CDYL: variants seen among roughly 807,000 people sequenced by gnomAD.
CDYL encodes the protein chromodomain Y like, also known as chromodomain Y-like protein.
Under a neutral mutation model 47.3 loss-of-function variants are expected in CDYL, and 8 were observed. The ratio of observed to expected loss-of-function variants is 0.17; its 90% confidence interval spans 0.10 to 0.31. The LOEUF (loss-of-function observed/expected upper bound fraction) is 0.31, where lower values mean the gene tolerates loss of function less well. Ranked by LOEUF, CDYL falls within the 10% of genes least tolerant of loss-of-function variation. CDYL has a pLI of 1.00. For missense variants in CDYL, 471 were observed against 701.4 expected (o/e 0.67, Z 3.71); for synonymous variants, 266 against 265.0 (o/e 1.00, Z -0.04).
chr6:4,731,782 C>T (rs758824440), intron 2 of CDYL, among the ~76,000 whole-genome samples: 2 of 151,694 alleles, frequency 1.3e-5, no homozygotes, highest in Non-Finnish European at 2.9e-5. Context: ...CATCGCACCA[C>T]TGCACTCCAG....
At chr6:4,706,231 T>G (rs1757043167) in exon 1 of CDYL, 1 of 151,972 alleles carries the variant, frequency 6.6e-6, no homozygotes, top group Non-Finnish European at 1.5e-5. Context: ...CTGAAGAGAC[T>G]CATCTCGGGG....
rs1220969716 is a variant in CDYL at position 4,788,480 on chromosome 6, C to CAAAAAAAAAAAAAAAAAAA, written c.24+11677_24+11695dup. Among the ~76,000 whole-genome samples the CAAAAAAAAAAAAAAAAAAA allele has an allele frequency of 5.2e-4, 32 of 61,062 alleles. 1 individual carries two copies. The highest frequency in any genetic ancestry group is 6.6e-4 in the Non-Finnish European group (24 of 36,226). The allele number at this position is 61,062 out of a possible 152,430, so 40.1% of individuals were successfully genotyped here. On this transcript the variant is annotated intron_variant, in intron 1 of 6. Coordinates refer to ENST00000397588, the MANE Select transcript of CDYL (RefSeq NM_004824.4). ...CCTGGGTGACAGAGTGAGACTCTGT[C>CAAAAAAAAAAAAAAAAAAA]AAAAAAAAAAAAAAAAAAAAAAGGC...
At chr6:4,920,895 C>T (rs1363832297) in intron 2 of CDYL, among the ~76,000 whole-genome samples, 11 of 152,140 alleles carry the variant, frequency 7.2e-5, no homozygotes, top group African/African-American at 2.2e-4. Flanking sequence ...GGATTAGAGG[C>T]GTCAGCCACT....
intron 5 of CDYL, among the ~76,000 whole-genome samples, chr6:4,947,137 T>G (rs1464917071): frequency 6.6e-6 from 1 of 152,220 alleles, no homozygotes; most frequent in African/African-American, 2.4e-5. Context: ...GCAGCCCGTT[T>G]CAGGGAAGAG....
At chr6:4,857,549 C>T (rs1761046243) in intron 1 of CDYL, among the ~76,000 whole-genome samples, 1 of 152,130 alleles carries the variant, frequency 6.6e-6, no homozygotes, top group African/African-American at 2.4e-5. Context: ...GCTTTGTAGG[C>T]CTTTGAAGTC....
chr6:4,812,619 T>A (rs1438833610), intron 1 of CDYL, among the ~76,000 whole-genome samples: 1 of 152,256 alleles, frequency 6.6e-6, no homozygotes. Context: ...TCCCCTTTGC[T>A]GTAATTCTTC....
chr6:4,950,695 CA>C (rs1758671828), intron 5 of CDYL, among the ~76,000 whole-genome samples: 1 of 152,056 alleles, frequency 6.6e-6, no homozygotes, highest in South Asian at 2.1e-4. Flanking sequence ...TTGGGAGGCC[CA>C]GGCGGGCGGA....
rs1758455988 is a variant in CDYL at position 4,776,562 on chromosome 6, CG to C, written c.-221del. On this transcript the variant is annotated 5_prime_UTR_variant, in exon 1 of 7. Coordinates refer to ENST00000397588, the MANE Select transcript of CDYL (RefSeq NM_004824.4). Reference sequence around the variant, plus strand: ...GGCCCGCCGGGGAGTGAGCGCGGGGCGCCCAGGGCGCGTTGCGTAGCTGCTC... The same window carrying C: ...GGCCCGCCGGGGAGTGAGCGCGGGGCCCCAGGGCGCGTTGCGTAGCTGCTC... The C allele has an allele frequency of 5.3e-6, 1 of 190,062 alleles. No homozygotes were observed. Among genetic ancestry groups the C allele is most frequent in the African/African-American group, 2.5e-5 (1 of 40,260 alleles). 11.8% of individuals were successfully genotyped at this position (190,062 alleles called of 1,614,324 possible).
At chr6:4,816,059 G>A (rs1257632516) in intron 1 of CDYL, among the ~76,000 whole-genome samples, 1 of 148,802 alleles carries the variant, frequency 6.7e-6, no homozygotes, top group East Asian at 2.0e-4. Context: ...ATTTTTCCAC[G>A]TGAAATAACC....
intron 2 of CDYL, among the ~76,000 whole-genome samples, chr6:4,925,088 G>C (rs1757827658): frequency 1.3e-5 from 2 of 152,158 alleles, no homozygotes; most frequent in Admixed American, 1.3e-4. Context: ...ACCTGATGTG[G>C]GTGGGTGGCT....
chr6:4,860,186 C>T (rs983419228), intron 1 of CDYL, among the ~76,000 whole-genome samples: 1 of 152,128 alleles, frequency 6.6e-6, no homozygotes, highest in African/African-American at 2.4e-5. Flanking sequence ...CAGACGTGAG[C>T]CACCACGCCC....
chr6:4,794,004 C>T (rs1043402811), intron 1 of CDYL, among the ~76,000 whole-genome samples: 4 of 151,976 alleles, frequency 2.6e-5, no homozygotes, highest in East Asian at 1.9e-4. Context: ...CTAGTGGGAG[C>T]GGCTGGGCAG....
At chr6:4,761,597 C>T (rs570106128) in intron 3 of CDYL, among the ~76,000 whole-genome samples, 1 of 152,318 alleles carries the variant, frequency 6.6e-6, no homozygotes, top group African/African-American at 2.4e-5. Context: ...CTGCCTCAGC[C>T]TCCCAAAGTG....
At chr6:4,715,914 T>C (rs1023090774) in intron 2 of CDYL, 1 of 1,603,248 alleles carries the variant, frequency 6.2e-7, no homozygotes, top group Non-Finnish European at 8.5e-7. Context: ...TTAGTTCTGA[T>C]GCAGTAGGCA....
intron 1 of CDYL, among the ~76,000 whole-genome samples, chr6:4,883,049 A>G (rs1433781366): frequency 6.6e-6 from 1 of 152,206 alleles, no homozygotes; most frequent in East Asian, 1.9e-4. Flanking sequence ...CAATCTGTGT[A>G]AGCGACCTAA....
intron 1 of CDYL, among the ~76,000 whole-genome samples, chr6:4,785,727 C>T (rs774753634): frequency 8.5e-5 from 13 of 152,232 alleles, no homozygotes; most frequent in Non-Finnish European, 1.8e-4. Context: ...CTGGGTCTCT[C>T]TTGGAGACTG....
intron 3 of CDYL, among the ~76,000 whole-genome samples, chr6:4,740,789 CTTT>C (rs57810529): frequency 2.1e-5 from 3 of 140,654 alleles, no homozygotes; most frequent in Non-Finnish European, 1.6e-5. Context: ...ACTCTAAAAT[CTTT>C]TTTTTTTTTT....
intron 1 of CDYL, among the ~76,000 whole-genome samples, chr6:4,812,838 ATTTAC>A (rs1581182975): frequency 1.3e-5 from 2 of 152,226 alleles, no homozygotes; most frequent in South Asian, 4.1e-4. Context: ...ATTTCTCCCA[ATTTAC>A]TTGTCTTCTT....
chr6:4,908,362 A>G (rs1249761045), intron 2 of CDYL, among the ~76,000 whole-genome samples: 1 of 152,194 alleles, frequency 6.6e-6, no homozygotes, highest in Non-Finnish European at 1.5e-5. Flanking sequence ...TTGGTGTTTC[A>G]TAGATGGATA....
Sources: gnomAD v4.1 joint callset for allele counts (sites outside exome capture counted in the v4.1 genomes callset) on GRCh38, gnomAD v4.1.1 for gene constraint, MANE v1.5 for transcripts, NCBI Gene and HGNC (gene_info 2026-07-23, HGNC 2026-07-21) for gene names.